The following CLUL1 variants were observed in gnomAD, a reference collection of about 807,000 sequenced individuals.
CLUL1 encodes the protein clusterin-like protein 1.
In CLUL1, 43 loss-of-function variants were observed where a neutral mutation model predicts 49.4. The observed-to-expected ratio is 0.87, with a 90% confidence interval of 0.68 to 1.12. CLUL1 has a LOEUF of 1.12. CLUL1 is among the 50% of genes most tolerant of loss of function. The pLI is 0.00. For missense variants in CLUL1, 486 were observed against 544.4 expected, an observed-to-expected ratio of 0.89 and a Z score of 1.07; for synonymous variants, 192 against 184.9, an observed-to-expected ratio of 1.04 and a Z score of -0.31.
At chr18:647,450 T>C (rs2074540618) in intron 9 of CLUL1, among the ~76,000 whole-genome samples, 1 of 152,170 alleles carries the variant, frequency 6.6e-6, no homozygotes, top group African/African-American at 2.4e-5. Flanking sequence ...GCTGGACGTC[T>C]ATGCCCAGAG....
At chr18:630,670 A>ATT (rs2073966993) in intron 6 of CLUL1, among the ~76,000 whole-genome samples, 1 of 105,154 alleles carries the variant, frequency 9.5e-6, no homozygotes, top group Non-Finnish European at 1.8e-5. Context: ...CCCTACTGAC[A>ATT]TCTTTTTTTT....
rs1162451646 is a variant in CLUL1 at position 627,230 on chromosome 18, A to G, written c.557A>G (p.Gln186Arg). The G allele has an allele frequency of 1.2e-6, 2 of 1,614,070 alleles. No individual in the cohort carries two copies. Among genetic ancestry groups the G allele is most frequent in the African/African-American group, 2.7e-5 (2 of 75,028 alleles). Residue 186 changes from glutamine to arginine, a missense_variant, in exon 6 of 10, where the codon CAG becomes CGG. Physicochemically the swap from Gln to Arg is conservative, Grantham distance 43. Coordinates refer to ENST00000692774, the MANE Select transcript of CLUL1 (RefSeq NM_001393344.1). The part of the protein sequence containing the change: ...QLTQMEDVFS[Q>R]LTVDVNSLFN... ...ACCCAAATGGAGGATGTGTTCAGCCAGTTGACTGTGGATGTGAATTCTCTC... is the reference window on the plus strand; with the variant it reads ...ACCCAAATGGAGGATGTGTTCAGCCGGTTGACTGTGGATGTGAATTCTCTC...
chr18:618,213 GGTGAAA>G lies in CLUL1; in HGVS notation c.106+108_106+113del, dbSNP rs1337327045. 30 of 814,804 alleles carry G rather than the reference GGTGAAA, an allele frequency of 3.7e-5. No individual in the cohort carries two copies. Among genetic ancestry groups the G allele is most frequent in the Non-Finnish European group, 5.6e-5 (28 of 498,094 alleles). The allele number at this position is 814,804 out of a possible 1,614,324, so 50.5% of individuals were successfully genotyped here. On this transcript the variant is annotated intron_variant, in intron 3 of 9. Transcript: ENST00000692774. The surrounding 1 kb of genome is among the most constrained non-coding windows in gnomAD (Gnocchi z 4.2). ...AGATAACCATATTCGCTGTTTTCAC[GGTGAAA>G]CGTTCTCAAGGCGCTTAAACCAGGT...
rs1459807462 is a variant in CLUL1, at chr18:630,844, G to A, written c.857-2454G>A. ...TGGGACTACAGGCACGTGCCACCACGCCCAGCTAATTTTTGCATTTTTTTT... is the reference window on the plus strand; with the variant it reads ...TGGGACTACAGGCACGTGCCACCACACCCAGCTAATTTTTGCATTTTTTTT... On this transcript the variant is annotated intron_variant, in intron 6 of 9. Coordinates refer to ENST00000692774, the MANE Select transcript of CLUL1 (RefSeq NM_001393344.1). Among the ~76,000 whole-genome samples, 4 of 150,498 alleles carry A rather than the reference G, an allele frequency of 2.7e-5. No individual in the cohort carries two copies. The South Asian group carries it at 6.5e-4, about 24-fold the overall frequency.
chr18:603,438 G>A (rs577430), intron 1 of CLUL1, among the ~76,000 whole-genome samples: 24,753 of 152,110 alleles, frequency 0.16, 2,131 homozygotes, highest in Middle Eastern at 0.3. Context: ...GCACAGCACA[G>A]TGTAGACAAT....
intron 1 of CLUL1, among the ~76,000 whole-genome samples, chr18:600,406 T>C (rs2072792434): frequency 6.6e-6 from 1 of 152,208 alleles, no homozygotes; most frequent in Non-Finnish European, 1.5e-5. Context: ...CTGCAAAAAG[T>C]CTTCTATTGT....
intron 5 of CLUL1, among the ~76,000 whole-genome samples, chr18:626,646 C>G (rs1174214086): frequency 6.6e-6 from 1 of 151,018 alleles, no homozygotes; most frequent in Non-Finnish European, 1.5e-5. Context: ...ATTACCTGAG[C>G]TCAGGAGTTC....
In CLUL1 at chr18:642,021, T is replaced by C. The variant is rs192894625; in HGVS notation, c.1209+480T>C. Among the ~76,000 whole-genome samples the C allele has an allele frequency of 1.6e-3, 247 of 152,342 alleles. 1 individual carries two copies. The highest frequency in any genetic ancestry group is 5.7e-3 in the African/African-American group (238 of 41,572). On this transcript the variant is annotated intron_variant, in intron 8 of 9. Coordinates refer to ENST00000692774, the MANE Select transcript of CLUL1 (RefSeq NM_001393344.1). ...GTGTACACCTATAAAGTGATTAGTA[T>C]AGATTTCTTATACAAAACAAGAGCT... is the stretch of plus-strand genomic sequence containing the variant.
chr18:604,236 C>A (rs1188283393), intron 1 of CLUL1, among the ~76,000 whole-genome samples: 1 of 152,206 alleles, frequency 6.6e-6, no homozygotes, highest in East Asian at 1.9e-4. Context: ...ATCAATACTT[C>A]ACTCCTTCCA....
intron 7 of CLUL1, among the ~76,000 whole-genome samples, chr18:634,322 G>A (rs530367348): frequency 2.0e-5 from 3 of 152,140 alleles, no homozygotes; most frequent in South Asian, 4.2e-4. Flanking sequence ...TAGTAGGGAC[G>A]AGGGTTTCAC....
intron 9 of CLUL1, 74 bp downstream of exon 9, chr18:645,171 G>GTT: frequency 8.3e-7 from 1 of 1,199,240 alleles, no homozygotes; most frequent in Non-Finnish European, 1.1e-6. Context: ...AACAAAACTT[G>GTT]TTTCCAAATA....
At chr18:599,099 A>C (rs2072745020) in intron 1 of CLUL1, among the ~76,000 whole-genome samples, 1 of 152,242 alleles carries the variant, frequency 6.6e-6, no homozygotes, top group South Asian at 2.1e-4. Context: ...ATGCCATATA[A>C]GGTTTCTTAT....
At chr18:622,280 C>T (rs2073511917) in intron 4 of CLUL1, among the ~76,000 whole-genome samples, 1 of 152,010 alleles carries the variant, frequency 6.6e-6, no homozygotes. Context: ...AGTAGGAAAC[C>T]CTAGAGAAGG....
At position 613,263 on chromosome 18, in the gene CLUL1, C is replaced by T. The variant is rs1476598636; in HGVS notation, c.-13-4725C>T. The T allele has an allele frequency of 2.8e-5, 12 of 432,470 alleles. No homozygotes were observed. In the South Asian group the frequency reaches 6.0e-4, roughly 22 times the overall value. The allele number at this position is 432,470 out of a possible 1,614,324, so 26.8% of individuals were successfully genotyped here. ...AAGCGATTCTCCTGCCTCAGCCTCT[C>T]GAGTGGCTGGGACTATAGGTGCGTG... On this transcript the variant is annotated intron_variant, in intron 2 of 9. Coordinates refer to ENST00000692774, the MANE Select transcript of CLUL1 (RefSeq NM_001393344.1).
chr18:609,932 A>T (rs148706564), intron 2 of CLUL1, among the ~76,000 whole-genome samples: 3 of 152,284 alleles, frequency 2.0e-5, no homozygotes, highest in Non-Finnish European at 4.4e-5. Flanking sequence ...GGACAAACTT[A>T]ACAAAACAAG....
intron 7 of CLUL1, among the ~76,000 whole-genome samples, chr18:638,269 T>C (rs952348634): frequency 6.6e-6 from 1 of 152,240 alleles, no homozygotes; most frequent in African/African-American, 2.4e-5. Flanking sequence ...AAAATAGTCC[T>C]GCTCAAGCAT....
chr18:610,545 G>A (rs1322005761), intron 2 of CLUL1, among the ~76,000 whole-genome samples: 1 of 152,194 alleles, frequency 6.6e-6, no homozygotes, highest in Non-Finnish European at 1.5e-5. Context: ...TTGCCTGTCT[G>A]TGGTTCCAGG....
chr18:597,571 G>A (rs1057166268), intron 1 of CLUL1: 7 of 152,252 alleles, frequency 4.6e-5, no homozygotes, highest in African/African-American at 1.7e-4. Flanking sequence ...AGTCGATTGT[G>A]GTGGTGCATG....
intron 1 of CLUL1, chr18:598,169 G>A (rs78023441): frequency 0.032 from 5,375 of 167,864 alleles, 183 homozygotes; most frequent in South Asian, 0.16. Context: ...ATATGCAGCA[G>A]CACAATTATC....
Sources: gnomAD v4.1 joint callset for allele counts (sites outside exome capture counted in the v4.1 genomes callset) on GRCh38, gnomAD v4.1.1 for gene constraint, Gnocchi (gnomAD v3.1) non-coding constraint, MANE v1.5 for transcripts, NCBI Gene and HGNC (gene_info 2026-07-23, HGNC 2026-07-21) for gene names.